The following AUTS2 variants were observed in gnomAD, a reference collection of about 807,000 sequenced individuals.
AUTS2 encodes the protein autism susceptibility gene 2 protein.
Under a neutral mutation model 112.4 loss-of-function variants are expected in AUTS2, and 17 were observed. The ratio of observed to expected loss-of-function variants is 0.15; its 90% CI spans 0.10 to 0.23. The LOEUF (loss-of-function observed/expected upper bound fraction) is 0.23. AUTS2 is among the 10% of genes least tolerant of loss of function. The pLI is 1.00. For synonymous variants in AUTS2, 751 were observed against 702.7 expected (o/e 1.07, Z -1.09); for missense variants, 1,510 against 1,701.6 (o/e 0.89, Z 1.98).
intron 5 of AUTS2, among the ~76,000 whole-genome samples, chr7:70,500,748 G>A (rs1486496259): frequency 6.6e-6 from 1 of 151,214 alleles, no homozygotes; most frequent in African/African-American, 2.4e-5. Flanking sequence ...TTGAGATGGA[G>A]TCCCTCTTTG....
At chr7:70,764,356 C>G (rs1055743780) in intron 7 of AUTS2, among the ~76,000 whole-genome samples, 2 of 152,138 alleles carry the variant, frequency 1.3e-5, no homozygotes, top group Admixed American at 1.3e-4. Context: ...GAACTCAGAT[C>G]ATCGCTTTTT....
chr7:69,776,277 T>C (rs186471947), intron 1 of AUTS2, among the ~76,000 whole-genome samples: 21 of 152,308 alleles, frequency 1.4e-4, no homozygotes, highest in African/African-American at 4.8e-4. Context: ...CTACATCCTA[T>C]ATGGACTGTG....
At chr7:70,253,486 T>G (rs1786706736) in intron 4 of AUTS2, among the ~76,000 whole-genome samples, 1 of 152,230 alleles carries the variant, frequency 6.6e-6, no homozygotes, top group Admixed American at 6.5e-5. Flanking sequence ...CTTACTTGTT[T>G]GGTAATTTTT....
At chr7:70,530,664 C>G (rs1800047727) in intron 5 of AUTS2, among the ~76,000 whole-genome samples, 1 of 152,140 alleles carries the variant, frequency 6.6e-6, no homozygotes, top group South Asian at 2.1e-4. Flanking sequence ...AGCCTGGCCA[C>G]TGCTTATGGT....
intron 2 of AUTS2, among the ~76,000 whole-genome samples, chr7:69,981,308 G>A (rs937871287): frequency 1.7e-4 from 26 of 152,178 alleles, no homozygotes; most frequent in African/African-American, 4.6e-4. Context: ...GTCAGTTGGG[G>A]TCAGTTAAAA....
intron 4 of AUTS2, among the ~76,000 whole-genome samples, chr7:70,424,658 C>T (rs1795358854): frequency 6.6e-6 from 1 of 152,146 alleles, no homozygotes; most frequent in African/African-American, 2.4e-5. Context: ...ATGATCAGAG[C>T]TAACTGCAGC....
At chr7:69,635,430 AG>A (rs1222662087) in intron 1 of AUTS2, among the ~76,000 whole-genome samples, 1 of 152,238 alleles carries the variant, frequency 6.6e-6, no homozygotes, top group Non-Finnish European at 1.5e-5. Context: ...AGTTATACCT[AG>A]ACTGGTGATA....
chr7:70,409,555 G>C (rs1255089637), intron 4 of AUTS2, among the ~76,000 whole-genome samples: 1 of 152,120 alleles, frequency 6.6e-6, no homozygotes, highest in East Asian at 1.9e-4. Flanking sequence ...GAGCGATGTA[G>C]GGTATTATTG....
chr7:69,612,882 T>C (rs983093263), intron 1 of AUTS2, among the ~76,000 whole-genome samples: 2 of 152,220 alleles, frequency 1.3e-5, no homozygotes, highest in Non-Finnish European at 1.5e-5. Flanking sequence ...CACTCAGTAA[T>C]CTATGCATAG....
At chr7:70,126,567 G>C (rs1426744059) in intron 3 of AUTS2, among the ~76,000 whole-genome samples, 2 of 152,100 alleles carry the variant, frequency 1.3e-5, no homozygotes, top group Non-Finnish European at 2.9e-5. Context: ...GAAGAGTTAA[G>C]GGGAATAATT....
At chr7:69,774,885 T>A (rs961452649) in intron 1 of AUTS2, among the ~76,000 whole-genome samples, 2 of 152,178 alleles carry the variant, frequency 1.3e-5, no homozygotes, top group African/African-American at 4.8e-5. Context: ...ACTCCTGATA[T>A]CTCCAGAGGA....
chr7:70,739,328 A>C (rs1278641287), intron 6 of AUTS2, among the ~76,000 whole-genome samples: 1 of 146,956 alleles, frequency 6.8e-6, no homozygotes, highest in Non-Finnish European at 1.5e-5. Flanking sequence ...CACCCCACTA[A>C]TGTTGCCTTT....
chr7:70,395,137 G>A (rs1794024314), intron 4 of AUTS2, among the ~76,000 whole-genome samples: 2 of 151,894 alleles, frequency 1.3e-5, no homozygotes, highest in African/African-American at 4.8e-5. Flanking sequence ...GGCAAGGACT[G>A]AGAGAGAGTG....
intron 2 of AUTS2, among the ~76,000 whole-genome samples, chr7:70,000,352 T>C (rs1202146255): frequency 6.6e-6 from 1 of 150,500 alleles, no homozygotes; most frequent in Non-Finnish European, 1.5e-5. Flanking sequence ...ACTGTAATCA[T>C]ATGTCTTTTA....
intron 2 of AUTS2, among the ~76,000 whole-genome samples, chr7:70,116,918 A>G (rs755022259): frequency 3.3e-5 from 5 of 152,136 alleles, no homozygotes; most frequent in African/African-American, 9.7e-5. Context: ...CCAGTACTAC[A>G]TTGCTTGGTG....
chr7:69,941,515 G>A (rs1003714415), intron 2 of AUTS2, among the ~76,000 whole-genome samples: 24 of 152,010 alleles, frequency 1.6e-4, no homozygotes, highest in Non-Finnish European at 8.8e-5. Context: ...CAAGAAGATG[G>A]GAAGTTTTTA....
In AUTS2 at chr7:70,184,189, G is replaced by C. The variant is rs184769133; in HGVS notation, c.660+49618G>C. Among the ~76,000 whole-genome samples the C allele has an allele frequency of 3.9e-5, 6 of 152,078 alleles. 1 individual carries two copies. On this transcript the variant is annotated intron_variant, in intron 4 of 18. Coordinates refer to ENST00000342771, the MANE Select transcript of AUTS2 (RefSeq NM_015570.4). ...GACAGTCATCTTTTTGCTGGAGAAC[G>C]TATTAAAATAAGTATAATTATGGTG... is the stretch of plus-strand genomic sequence containing the variant.
chr7:70,479,794 C>T (rs1354655346), intron 5 of AUTS2, among the ~76,000 whole-genome samples: 1 of 152,180 alleles, frequency 6.6e-6, no homozygotes, highest in African/African-American at 2.4e-5. Flanking sequence ...CGGGGTTTCC[C>T]CTCACCACTG....
At chr7:70,049,486 C>T (rs1266157027) in intron 2 of AUTS2, among the ~76,000 whole-genome samples, 5 of 151,906 alleles carry the variant, frequency 3.3e-5, no homozygotes, top group East Asian at 3.9e-4. Flanking sequence ...CCTGCCACCA[C>T]GCCTGGCTAA....
Sources: allele counts gnomAD v4.1 joint callset (sites outside exome capture counted in the v4.1 genomes callset), GRCh38; gene constraint gnomAD v4.1.1; transcripts MANE v1.5; gene names NCBI Gene and HGNC (gene_info 2026-07-23, HGNC 2026-07-21).